Variants in THSD4 observed in about 807,000 individuals in gnomAD.
The protein encoded by THSD4 is thrombospondin type 1 domain containing 4, also known as thrombospondin type-1 domain-containing protein 4.
Under a neutral mutation model 119.0 loss-of-function variants are expected in THSD4, and 69 were observed. The observed-to-expected ratio is 0.58, with a 90% CI of 0.48 to 0.71. THSD4 has a LOEUF of 0.71. THSD4 is among the 30% of genes least tolerant of loss of function. The probability of loss-of-function intolerance (pLI) is 0.00; values close to 1 mark genes in which losing one functional copy is unlikely to be tolerated. For synonymous variants in THSD4, 524 were observed against 540.4 expected, an observed-to-expected ratio of 0.97 and a Z score of 0.42; for missense variants, 1,393 against 1,391.1, an observed-to-expected ratio of 1.00 and a Z score of -0.02.
At chr15:71,312,710 C>T (rs1335249036) in intron 6 of THSD4, among the ~76,000 whole-genome samples, 2 of 152,128 alleles carry the variant, frequency 1.3e-5, no homozygotes, top group Non-Finnish European at 2.9e-5. Context: ...TCTGCCTTTT[C>T]TCACTCCACT....
At chr15:71,550,113 C>T (rs954761076) in intron 7 of THSD4, among the ~76,000 whole-genome samples, 10 of 152,216 alleles carry the variant, frequency 6.6e-5, no homozygotes, top group African/African-American at 1.9e-4. Context: ...GGGTGGCAGT[C>T]GTGTACACTT....
At chr15:71,316,738 A>G (rs2045191664) in intron 6 of THSD4, among the ~76,000 whole-genome samples, 1 of 152,148 alleles carries the variant, frequency 6.6e-6, no homozygotes, top group Non-Finnish European at 1.5e-5. Flanking sequence ...GCCCCCAACA[A>G]GCAGCAGGGT....
At chr15:71,686,975 A>T (rs564871194) in intron 8 of THSD4, among the ~76,000 whole-genome samples, 4 of 152,328 alleles carry the variant, frequency 2.6e-5, no homozygotes, top group Non-Finnish European at 5.9e-5. Context: ...CTCAGTCAAC[A>T]CTAGTTGACC....
intron 7 of THSD4, among the ~76,000 whole-genome samples, chr15:71,637,503 G>T (rs2050767743): frequency 6.6e-6 from 1 of 152,154 alleles, no homozygotes; most frequent in Non-Finnish European, 1.5e-5. Context: ...GACCCCACGT[G>T]CAGGGAAAGT....
chr15:71,492,754 C>CT (rs1455961443), intron 7 of THSD4, among the ~76,000 whole-genome samples: 1 of 152,132 alleles, frequency 6.6e-6, no homozygotes, highest in Non-Finnish European at 1.5e-5. Flanking sequence ...TTTCAAAGTG[C>CT]AGAAGCTCCC....
intron 7 of THSD4, among the ~76,000 whole-genome samples, chr15:71,552,957 A>G (rs2048955397): frequency 6.6e-6 from 1 of 152,216 alleles, no homozygotes; most frequent in African/African-American, 2.4e-5. Context: ...CATTATAAAA[A>G]CTATTGTAAA....
chr15:71,381,211 A>G (rs941746759), intron 6 of THSD4, among the ~76,000 whole-genome samples: 1 of 152,228 alleles, frequency 6.6e-6, no homozygotes, highest in Admixed American at 6.5e-5. Context: ...CAGGGCCTCC[A>G]TGAGTCCACA....
intron 8 of THSD4, among the ~76,000 whole-genome samples, chr15:71,713,255 C>T (rs1475066755): frequency 6.6e-6 from 1 of 152,216 alleles, no homozygotes; most frequent in Non-Finnish European, 1.5e-5. Context: ...TTAAATTCCC[C>T]CTGTTCCAGG....
At chr15:71,267,910 C>T (rs1567175891) in intron 6 of THSD4, among the ~76,000 whole-genome samples, 1 of 152,206 alleles carries the variant, frequency 6.6e-6, no homozygotes, top group African/African-American at 2.4e-5. Flanking sequence ...GAAGAGCTAA[C>T]TATCCTAAAT....
chr15:71,188,037 A>G (rs2043628895), intron 3 of THSD4, among the ~76,000 whole-genome samples: 1 of 152,220 alleles, frequency 6.6e-6, no homozygotes, highest in Admixed American at 6.5e-5. Context: ...TTCACTCTCA[A>G]AAGTGATCCT....
At position 71,291,509 on chromosome 15, in the gene THSD4, A is replaced by G. The variant is rs575530458; in HGVS notation, c.1015+34794A>G. 3.6e-4 allele frequency among the ~76,000 whole-genome samples: 55 copies of G among 152,312 alleles called. 1 individual carries two copies. Among genetic ancestry groups the G allele is most frequent in the African/African-American group, 1.3e-3 (54 of 41,574 alleles). On this transcript the variant is annotated intron_variant, in intron 6 of 17. Transcript: ENST00000261862. ...GCAGGAAGAGACAAATTCCAACACA[A>G]GCAATCAGGCAGGAGGAGTTCCCTC...
At chr15:71,312,437 A>C (rs2045124478) in intron 6 of THSD4, among the ~76,000 whole-genome samples, 1 of 152,112 alleles carries the variant, frequency 6.6e-6, no homozygotes, top group African/African-American at 2.4e-5. Context: ...AGAGGAGATT[A>C]GGACATACAG....
At chr15:71,493,776 A>C (rs1317912487) in intron 7 of THSD4, among the ~76,000 whole-genome samples, 1 of 152,234 alleles carries the variant, frequency 6.6e-6, no homozygotes, top group Non-Finnish European at 1.5e-5. Context: ...TAGACACTTC[A>C]TACCCGGTCT....
At chr15:71,775,230 TACAG>T (rs1567147350) in intron 17 of THSD4, among the ~76,000 whole-genome samples, 1 of 151,998 alleles carries the variant, frequency 6.6e-6, no homozygotes, top group Non-Finnish European at 1.5e-5. Flanking sequence ...TAGGACAAAA[TACAG>T]ACACCCCAAA....
intron 6 of THSD4, among the ~76,000 whole-genome samples, chr15:71,309,009 G>A (rs956364176): frequency 6.6e-6 from 1 of 152,188 alleles, no homozygotes; most frequent in African/African-American, 2.4e-5. Context: ...CAGTGCAGTG[G>A]CACTATCTCG....
At chr15:71,675,501 A>G (rs1288908872) in intron 8 of THSD4, among the ~76,000 whole-genome samples, 2 of 152,196 alleles carry the variant, frequency 1.3e-5, no homozygotes, top group East Asian at 3.9e-4. Flanking sequence ...GGATACAGAA[A>G]TAAAGGTCGT....
chr15:71,599,985 G>C (rs1391923312), intron 7 of THSD4, among the ~76,000 whole-genome samples: 1 of 152,206 alleles, frequency 6.6e-6, no homozygotes, highest in Non-Finnish European at 1.5e-5. Context: ...AAAACATCCA[G>C]GCGTGGTTAG....
chr15:71,230,400 T>C (rs1200729363), intron 4 of THSD4, among the ~76,000 whole-genome samples: 1 of 152,238 alleles, frequency 6.6e-6, no homozygotes, highest in East Asian at 1.9e-4. Flanking sequence ...TCTGCAACAG[T>C]TCGCACATAT....
At position 71,418,369 on chromosome 15, in the gene THSD4, A is replaced by G. The variant is rs1043669370; in HGVS notation, c.1152+6546A>G. On this transcript the variant is annotated intron_variant, in intron 7 of 17. Coordinates refer to ENST00000261862, the MANE Select transcript of THSD4 (RefSeq NM_024817.3). ...GAGGAAAGGCTTTTGGTTTTTCTCT[A>G]TTCAGTATGAAACTGGCTGTGGGTC... 1.2e-4 allele frequency among the ~76,000 whole-genome samples: 13 copies of G among 108,588 alleles called. 5 individuals carry two copies. Among genetic ancestry groups the G allele is most frequent in the Non-Finnish European group, 2.6e-4 (13 of 49,316 alleles). 71.2% of individuals were successfully genotyped at this position (108,588 alleles called of 152,430 possible). A position where few individuals can be genotyped will look rare whatever the true frequency, so the allele number is the denominator to read the frequency against.
Sources: gnomAD v4.1 joint callset for allele counts (sites outside exome capture counted in the v4.1 genomes callset) on GRCh38, gnomAD v4.1.1 for gene constraint, MANE v1.5 for transcripts, NCBI Gene and HGNC (gene_info 2026-07-23, HGNC 2026-07-21) for gene names.